Variants in ZNF418 observed in about 807,000 individuals in gnomAD.
The protein encoded by ZNF418 is zinc finger protein 418.
Under a neutral mutation model 32.0 loss-of-function variants are expected in ZNF418, and 32 were observed. That is an observed-to-expected ratio of 1.00 (90% CI 0.75 to 1.34). The LOEUF (loss-of-function observed/expected upper bound fraction) is 1.34. Ranked by LOEUF, ZNF418 falls within the 40% of genes most tolerant of loss-of-function variation. The pLI is 0.00. For synonymous variants in ZNF418, 276 were observed against 270.7 expected (o/e 1.02, Z -0.19); for missense variants, 804 against 812.5 (o/e 0.99, Z 0.13).
chr19:57,932,665 A>T, intron 2 of ZNF418: 1 of 1,400,358 alleles, frequency 7.1e-7, no homozygotes, highest in Non-Finnish European at 9.3e-7. Flanking sequence ...AGTGGAAAAC[A>T]AAAGAAAAAA....
rs2072019735 is a variant in ZNF418 at position 57,922,109 on chromosome 19, A to G, written c.*1146T>C. On this transcript the variant is annotated 3_prime_UTR_variant, in exon 6 of 6. Coordinates refer to ENST00000396147, the MANE Select transcript of ZNF418 (RefSeq NM_133460.3). ...TGGATTTCTTCGTTTGGAACGCTGA[A>G]CCAACACTCTTCTTAGACCACAGGG... The G allele has an allele frequency of 6.5e-6, 1 of 152,970 alleles. No homozygotes were observed. Among genetic ancestry groups the G allele is most frequent in the Admixed American group, 6.5e-5 (1 of 15,322 alleles). The allele number at this position is 152,970 out of a possible 1,614,324, so 9.5% of individuals were successfully genotyped here.
intron 2 of ZNF418, among the ~76,000 whole-genome samples, chr19:57,932,832 A>G (rs1329751003): frequency 6.6e-6 from 1 of 152,210 alleles, no homozygotes; most frequent in Admixed American, 6.5e-5. Context: ...AGAGTGGTGA[A>G]TAAGTACCAG....
At chr19:57,923,470 A>G (rs2072077751) in intron 4 of ZNF418, among the ~76,000 whole-genome samples, 181 bp from the exon 5 acceptor site, 1 of 151,060 alleles carries the variant, frequency 6.6e-6, no homozygotes, top group Non-Finnish European at 1.5e-5. Context: ...ATATACATAT[A>G]TACATACATA....
In ZNF418 at chr19:57,926,289, G is replaced by T. The variant is rs1366415654; in HGVS notation, c.1892C>A (p.Thr631Asn). Reference sequence around the variant, plus strand: ...TCTCCTGTGTTCAGTAAGACTGAAGGTTTCAGCAAAGGATTTCCCACATTC... The same window carrying T: ...TCTCCTGTGTTCAGTAAGACTGAAGTTTTCAGCAAAGGATTTCCCACATTC... ...CSECGKSFAE[T>N]FSLTEHRRVH... The change falls in exon 4 of 6, where the codon ACC becomes AAC. Residue 631 changes from threonine to asparagine, a missense_variant. Physicochemically the swap from Thr to Asn is moderately conservative, Grantham distance 65. Transcript: ENST00000396147. The T allele has an allele frequency of 1.3e-6, 2 of 1,596,944 alleles. No individual in the cohort carries two copies. Among genetic ancestry groups the T allele is most frequent in the Admixed American group, 1.7e-5 (1 of 59,094 alleles).
Position 57,927,226 on chromosome 19 carries a change from A to G in ZNF418, c.955T>C (p.Cys319Arg), listed in dbSNP as rs2072274481. ...CCATTTTGACTAAAAGATTTCCCAC[A>G]TTCTCCACACTCATAAGGTCTTTCT... ...TGERPYECGE[C>R]GKSFSQNGTL... Residue 319 changes from cysteine (C) to arginine (R), a missense_variant, in exon 4 of 6, where the codon TGT becomes CGT. Around this residue, in one of 3 missense-constraint regions of ZNF418, gnomAD observed 475 missense variants for 458.6 expected, o/e 1.04. Transcript: ENST00000396147. 1.2e-6 allele frequency: 2 copies of G among 1,614,068 alleles called. No homozygotes were observed. Among genetic ancestry groups the G allele is most frequent in the Non-Finnish European group, 1.7e-6 (2 of 1,180,058 alleles).
At chr19:57,934,206 G>A in intron 1 of ZNF418, 3 of 1,123,738 alleles carry the variant, frequency 2.7e-6, no homozygotes, top group Non-Finnish European at 3.3e-6. Context: ...TGAGGGAATG[G>A]AACACCCTCT....
rs1205764009 is a variant in ZNF418 at position 57,926,786 on chromosome 19, G to T, written c.1395C>A (p.Gly465=). ...TCTGGTGTTCAATGAGGTGGGACTTGCCCCTAAATAATTTCCTACACTCTC... is the reference window on the plus strand; with the variant it reads ...TCTGGTGTTCAATGAGGTGGGACTTTCCCCTAAATAATTTCCTACACTCTC... The part of the protein sequence containing the change: ...ECRECRKLFR[G]KSHLIEHQRV... The change falls in exon 4 of 6, where the codon GGC becomes GGA. Residue 465 remains glycine (G), a synonymous_variant. Transcript: ENST00000396147. 5.0e-6 allele frequency: 8 copies of T among 1,613,312 alleles called. No individual in the cohort carries two copies. In the East Asian group the frequency reaches 1.3e-4, roughly 27 times the overall value.
In ZNF418 at chr19:57,927,924, A is replaced by G. The variant is rs1164062567; in HGVS notation, c.257T>C (p.Met86Thr). 6.2e-7 allele frequency: 1 copy of G among 1,613,996 alleles called. No homozygotes were observed. Among genetic ancestry groups the G allele is most frequent in the Non-Finnish European group, 8.5e-7 (1 of 1,179,992 alleles). Residue 86 changes from methionine to threonine, a missense_variant, in exon 4 of 6, where the codon ATG (methionine) becomes ACG (threonine). Physicochemically the swap from Met to Thr is moderately conservative, Grantham distance 81. Coordinates refer to ENST00000396147, the MANE Select transcript of ZNF418 (RefSeq NM_133460.3). ...AATGTCTCCCAAGATCGCGCCACAC[A>G]TTTCACAAGAGTGGGCCTTCTTGGG... ...VSPKKAHSCEMCGAILGDILH... is the reference protein window; with the variant it reads ...VSPKKAHSCETCGAILGDILH...
chr19:57,927,687 C>A lies in ZNF418; in HGVS notation c.494G>T (p.Gly165Val). The change falls in exon 4 of 6, where the codon GGA becomes GTA. Residue 165 changes from glycine to valine, a missense_variant. Physicochemically the swap from Gly to Val is moderately radical, Grantham distance 109. Coordinates refer to ENST00000396147, the MANE Select transcript of ZNF418 (RefSeq NM_133460.3). ...TCCTGAGCTGGGCAAAAAGTCCTTT[C>A]CACTCTGAATGAAGATAGATGACTC... ...SEESSIFIQS[G>V]KDFLPSSGLL... 1.2e-6 allele frequency: 2 copies of A among 1,614,216 alleles called. No homozygotes were observed. The highest frequency in any genetic ancestry group is 1.7e-6 in the Non-Finnish European group (2 of 1,180,034).
chr19:57,922,394 G>A lies in ZNF418; in HGVS notation c.*861C>T. The A allele has an allele frequency of 2.5e-6, 1 of 394,578 alleles. No individual in the cohort carries two copies. Among genetic ancestry groups the A allele is most frequent in the Non-Finnish European group, 4.5e-6 (1 of 224,160 alleles). The allele number at this position is 394,578 out of a possible 1,614,324, so 24.4% of individuals were successfully genotyped here. On this transcript the variant is annotated 3_prime_UTR_variant, in exon 6 of 6. Coordinates refer to ENST00000396147, the MANE Select transcript of ZNF418 (RefSeq NM_133460.3). ...ATTGAGATTATGTCTCCAGTTAAAT[G>A]AGTTCCCCTATTGCTGTGTAATTCA...
At chr19:57,934,348 G>T in intron 1 of ZNF418, 1 of 334,182 alleles carries the variant, frequency 3.0e-6, no homozygotes, top group Non-Finnish European at 4.3e-6. Context: ...TGAGTAGCTG[G>T]GATTACAGTC....
intron 3 of ZNF418, among the ~76,000 whole-genome samples, chr19:57,928,790 G>A (rs992183046): frequency 1.3e-5 from 2 of 151,904 alleles, no homozygotes; most frequent in Non-Finnish European, 2.9e-5. Flanking sequence ...TCAGGAGATC[G>A]AGACCATCCT....
rs2072658611 is a variant in ZNF418 at position 57,935,385 on chromosome 19, G to A, written c.-305C>T. 1 of 226,152 alleles carries A rather than the reference G, an allele frequency of 4.4e-6. No individual in the cohort carries two copies. 14.0% of individuals were successfully genotyped at this position (226,152 alleles called of 1,614,324 possible). A position where few individuals can be genotyped will look rare whatever the true frequency, so the allele number is the denominator to read the frequency against. On this transcript the variant is annotated 5_prime_UTR_variant, in exon 1 of 6. Coordinates refer to ENST00000396147, the MANE Select transcript of ZNF418 (RefSeq NM_133460.3). ...ACATTAACCAAAATGGTCGCTACCA[G>A]AGAACGCTGAGAATCCCGCCACTAC...
At position 57,927,453 on chromosome 19, in the gene ZNF418, T is replaced by C. The variant is rs753407542; in HGVS notation, c.728A>G (p.Asp243Gly). The C allele has an allele frequency of 4.3e-6, 7 of 1,614,208 alleles. No homozygotes were observed. Among genetic ancestry groups the C allele is most frequent in the South Asian group, 1.1e-5 (1 of 91,086 alleles). ...WECGKSFSKY[D>G]SVSNHQRVHT... is the part of the protein sequence containing the mutation. ...AACTCTCTGATGATTACTGACGCTA[T>C]CATATTTGCTAAAGGATTTCCCACA... The change falls in exon 4 of 6, where the codon GAT (aspartate) becomes GGT (glycine). Residue 243 changes from aspartate to glycine, a missense_variant. Asp to Gly is a moderately conservative substitution (Grantham distance 94). This residue lies in a region of ZNF418 where 307 missense variants were observed against 304.9 expected (regional missense o/e 1.01). Coordinates refer to ENST00000396147, the MANE Select transcript of ZNF418 (RefSeq NM_133460.3).
chr19:57,923,115 A>C (rs1240529240), intron 5 of ZNF418, 77 bp downstream of exon 5: 2 of 152,114 alleles, frequency 1.3e-5, no homozygotes, highest in African/African-American at 4.8e-5. Flanking sequence ...AGCCTGAACA[A>C]CATGGTAAAA....
intron 1 of ZNF418, among the ~76,000 whole-genome samples, chr19:57,934,468 G>C (rs1180373490): frequency 1.3e-5 from 2 of 152,096 alleles, no homozygotes; most frequent in Non-Finnish European, 2.9e-5. Flanking sequence ...CGCCCGCCTC[G>C]GCCTCCCAAA....
At position 57,935,182 on chromosome 19, in the gene ZNF418, GGCC is replaced by G; in HGVS notation, c.-105_-103del. 2.3e-6 allele frequency: 3 copies of G among 1,308,268 alleles called. No homozygotes were observed. Among genetic ancestry groups the G allele is most frequent in the African/African-American group, 1.5e-5 (1 of 65,866 alleles). The allele number at this position is 1,308,268 out of a possible 1,614,324, so 81.0% of individuals were successfully genotyped here. The stretch of plus-strand genomic sequence containing the variant: ...TTACCTGAGCCGGGAGCCTCAGCGC[GGCC>G]GCCGCCATCCCGAGTACGCGGGGAA... On this transcript the variant is annotated 5_prime_UTR_variant, in exon 1 of 6. Coordinates refer to ENST00000396147, the MANE Select transcript of ZNF418 (RefSeq NM_133460.3).
intron 2 of ZNF418, 49 bp downstream of exon 2, chr19:57,933,768 G>T: frequency 6.2e-7 from 1 of 1,606,198 alleles, no homozygotes; most frequent in Admixed American, 1.7e-5. Flanking sequence ...TGTGAATCTT[G>T]AATCCAGCCA....
intron 4 of ZNF418, among the ~76,000 whole-genome samples, chr19:57,923,513 T>C (rs1417104600): frequency 6.9e-6 from 1 of 144,160 alleles, no homozygotes; most frequent in East Asian, 2.2e-4. Context: ...TACACACACA[T>C]ATATACATAT....
Sources: allele counts gnomAD v4.1 joint callset (sites outside exome capture counted in the v4.1 genomes callset), GRCh38; gene constraint gnomAD v4.1.1; regional missense constraint gnomAD v4.1.1; transcripts MANE v1.5; gene names NCBI Gene and HGNC (gene_info 2026-07-23, HGNC 2026-07-21).